Variants in KIFAP3 observed in about 807,000 individuals in gnomAD.
KIFAP3 encodes the protein kinesin associated protein 3.
In KIFAP3, 68 loss-of-function variants were observed where a neutral mutation model predicts 106.5. That is an observed-to-expected ratio of 0.64 (90% CI 0.53 to 0.78). KIFAP3 has a LOEUF of 0.78. KIFAP3 is among the 30% of genes least tolerant of loss of function. The probability of loss-of-function intolerance (pLI) is 0.00; values close to 1 mark genes in which losing one functional copy is unlikely to be tolerated. For missense variants in KIFAP3, 780 were observed against 941.8 expected (o/e 0.83, Z 2.25); for synonymous variants, 320 against 311.5 (o/e 1.03, Z -0.29).
chr1:169,975,068 G>A (rs1322803715), intron 16 of KIFAP3, among the ~76,000 whole-genome samples: 1 of 151,936 alleles, frequency 6.6e-6, no homozygotes, highest in East Asian at 1.9e-4. Flanking sequence ...TTGTTATACT[G>A]TATTTTCTGT....
intron 19 of KIFAP3, among the ~76,000 whole-genome samples, chr1:169,937,487 T>C (rs920751163): frequency 6.6e-6 from 1 of 151,814 alleles, no homozygotes; most frequent in Non-Finnish European, 1.5e-5. Context: ...AGTTATAACC[T>C]GGTAATAGGA....
intron 2 of KIFAP3, among the ~76,000 whole-genome samples, chr1:170,051,047 A>T (rs1417588207): frequency 6.6e-6 from 1 of 152,044 alleles, no homozygotes; most frequent in African/African-American, 2.4e-5. Flanking sequence ...ACAGACTGGC[A>T]AATTGGATAA....
At chr1:170,079,786 TTA>T (rs1340938934) in intron 1 of KIFAP3, among the ~76,000 whole-genome samples, 2 of 152,104 alleles carry the variant, frequency 1.3e-5, no homozygotes, top group African/African-American at 4.8e-5. Flanking sequence ...GGTTTTTTTT[TTA>T]ATATTTCTAT....
chr1:170,040,671 C>A (rs538856071), intron 3 of KIFAP3, among the ~76,000 whole-genome samples: 1 of 152,050 alleles, frequency 6.6e-6, no homozygotes, highest in Admixed American at 6.6e-5. Flanking sequence ...TTGGACTATG[C>A]GATCTCTCAC....
intron 3 of KIFAP3, among the ~76,000 whole-genome samples, chr1:170,046,465 G>A (rs968360958): frequency 1.3e-5 from 2 of 152,022 alleles, no homozygotes; most frequent in Admixed American, 6.6e-5. Context: ...TTACTTCAGT[G>A]TATGTGTACA....
chr1:169,978,145 A>C lies in KIFAP3; in HGVS notation c.1837T>G (p.Tyr613Asp). 6.2e-7 allele frequency: 1 copy of C among 1,612,586 alleles called. No individual in the cohort carries two copies. The highest frequency in any genetic ancestry group is 8.5e-7 in the Non-Finnish European group (1 of 1,178,988). The change falls in exon 16 of 20, where the codon TAT becomes GAT. Residue 613 changes from tyrosine to aspartate, a missense_variant. Tyr to Asp is a radical substitution (Grantham distance 160). Transcript: ENST00000361580. The stretch of plus-strand genomic sequence containing the variant: ...TGGAAAACCATCTGGTAGAAGACAT[A>C]AATTATCTGACACACAAATTCATCA... ...EDDEFVCQII[Y>D]VFYQMVFHQA...
chr1:169,929,969 G>C (rs150481620), intron 19 of KIFAP3, among the ~76,000 whole-genome samples: 1 of 152,222 alleles, frequency 6.6e-6, no homozygotes, highest in East Asian at 1.9e-4. Context: ...GGGAACGTGT[G>C]TAAAATAGTT....
chr1:170,061,150 A>G (rs75283160), intron 1 of KIFAP3, among the ~76,000 whole-genome samples: 40,219 of 152,102 alleles, frequency 0.26, 6,168 homozygotes, highest in East Asian at 0.48. Context: ...ACAAAAGCCA[A>G]AATTGACAAA....
intron 7 of KIFAP3, among the ~76,000 whole-genome samples, 172 bp downstream of exon 7, chr1:170,034,200 T>A (rs975422018): frequency 6.6e-6 from 1 of 151,894 alleles, no homozygotes; most frequent in Non-Finnish European, 1.5e-5. Flanking sequence ...CAAACTGTAT[T>A]CATTTTGATA....
intron 18 of KIFAP3, among the ~76,000 whole-genome samples, chr1:169,959,039 A>G (rs957876828): frequency 6.6e-6 from 1 of 152,224 alleles, no homozygotes; most frequent in African/African-American, 2.4e-5. Context: ...AAAGTAAAAG[A>G]TAAGACCCAG....
At chr1:170,083,526 C>T (rs1033119238) in intron 1 of KIFAP3, among the ~76,000 whole-genome samples, 1 of 152,118 alleles carries the variant, frequency 6.6e-6, no homozygotes, top group Admixed American at 6.5e-5. Flanking sequence ...TCAATTTTCT[C>T]ATCTGTAAAA....
At chr1:170,081,839 T>C (rs573652139) in intron 1 of KIFAP3, among the ~76,000 whole-genome samples, 2 of 152,342 alleles carry the variant, frequency 1.3e-5, no homozygotes, top group South Asian at 4.1e-4. Context: ...AGAGATGGGA[T>C]GTGAGCACCT....
intron 1 of KIFAP3, among the ~76,000 whole-genome samples, chr1:170,082,190 T>C (rs1241179013): frequency 3.3e-5 from 5 of 152,180 alleles, no homozygotes; most frequent in African/African-American, 1.2e-4. Context: ...AACCCAAATG[T>C]CTATTAACAT....
chr1:170,064,727 A>C (rs1671348568), intron 1 of KIFAP3, among the ~76,000 whole-genome samples: 1 of 152,176 alleles, frequency 6.6e-6, no homozygotes, highest in Non-Finnish European at 1.5e-5. Flanking sequence ...TAAATCATGA[A>C]TGTGTAGTGA....
upstream of KIFAP3, among the ~76,000 whole-genome samples, chr1:170,078,378 T>C (rs535915557): frequency 6.6e-5 from 10 of 152,316 alleles, no homozygotes; most frequent in South Asian, 2.1e-3. Context: ...AAATTTTTTG[T>C]CCATTTTTAA....
intron 1 of KIFAP3, among the ~76,000 whole-genome samples, chr1:170,072,961 T>C (rs1671772570): frequency 6.6e-6 from 1 of 152,246 alleles, no homozygotes. Context: ...TTTGGAACTC[T>C]AGATAGTATG....
chr1:170,046,862 G>T lies in KIFAP3; in HGVS notation c.169C>A (p.Arg57=). The T allele has an allele frequency of 1.9e-6, 3 of 1,596,878 alleles. No homozygotes were observed. Among genetic ancestry groups the T allele is most frequent in the Non-Finnish European group, 2.6e-6 (3 of 1,171,412 alleles). ...GTGTTGGCATTGAGACTCTTAAGTC[G>T]AATGCTGTAAGTATAACAGAATTTT... ...GERKECQKII[R]LKSLNANTDI... Residue 57 remains arginine (R), a synonymous_variant, in exon 3 of 20, where the codon CGA becomes AGA. Transcript: ENST00000361580.
chr1:169,941,369 G>A (rs575694187), intron 19 of KIFAP3, among the ~76,000 whole-genome samples: 34 of 152,212 alleles, frequency 2.2e-4, no homozygotes, highest in Non-Finnish European at 4.3e-4. Flanking sequence ...CTTTTTATCA[G>A]GAGATCTGAC....
intron 17 of KIFAP3, among the ~76,000 whole-genome samples, chr1:169,968,229 T>C (rs1665729038): frequency 9.2e-5 from 14 of 151,928 alleles, no homozygotes. Context: ...ACATGGAATG[T>C]GCCATCCTTT....
Sources: gnomAD v4.1 joint callset for allele counts (sites outside exome capture counted in the v4.1 genomes callset) on GRCh38, gnomAD v4.1.1 for gene constraint, MANE v1.5 for transcripts, NCBI Gene and HGNC (gene_info 2026-07-23, HGNC 2026-07-21) for gene names.